Variants in PCDH15 observed in about 807,000 individuals in gnomAD.
The protein encoded by PCDH15 is protocadherin-15.
In PCDH15, 129 loss-of-function variants were observed where a neutral mutation model predicts 178.5. The observed-to-expected ratio is 0.72, with a 90% CI of 0.63 to 0.84. The LOEUF is 0.84. PCDH15 is among the 40% of genes least tolerant of loss of function. PCDH15 has a pLI of 0.00. For missense variants in PCDH15, 2,230 were observed against 2,099.9 expected, an observed-to-expected ratio of 1.06 and a Z score of -1.21; for synonymous variants, 800 against 732.0, an observed-to-expected ratio of 1.09 and a Z score of -1.50.
chr10:54,454,697 G>T (rs976012241), intron 3 of PCDH15, among the ~76,000 whole-genome samples: 2 of 152,038 alleles, frequency 1.3e-5, no homozygotes, highest in African/African-American at 4.8e-5. Context: ...TTTCTAAAAA[G>T]AAACCCAGAC....
intron 1 of PCDH15, among the ~76,000 whole-genome samples, chr10:55,184,032 T>C (rs1460005351): frequency 6.6e-6 from 1 of 152,000 alleles, no homozygotes; most frequent in African/African-American, 2.4e-5. Flanking sequence ...TTTCTGATGC[T>C]TTCCAGGAGC....
intron 3 of PCDH15, among the ~76,000 whole-genome samples, chr10:54,441,626 AAGTT>A (rs2075794863): frequency 6.6e-6 from 1 of 151,922 alleles, no homozygotes; most frequent in South Asian, 2.1e-4. Flanking sequence ...GAGATAAACT[AAGTT>A]AGAAGGATTG....
intron 2 of PCDH15, among the ~76,000 whole-genome samples, chr10:54,535,486 G>A (rs573470119): frequency 2.0e-5 from 3 of 151,936 alleles, no homozygotes; most frequent in South Asian, 2.1e-4. Flanking sequence ...CGAGACAGGC[G>A]GATCACAAGG....
chr10:53,887,820 C>A (rs1315290118), intron 26 of PCDH15, among the ~76,000 whole-genome samples: 1 of 152,068 alleles, frequency 6.6e-6, no homozygotes, highest in East Asian at 1.9e-4. Flanking sequence ...ACCCGGGAGG[C>A]GTAGCTTGCA....
At chr10:54,079,281 C>T (rs775568617) in intron 17 of PCDH15, 50 bp downstream of exon 17, 1 of 1,482,384 alleles carries the variant, frequency 6.7e-7, no homozygotes. Flanking sequence ...AAGACTCTCT[C>T]AGTTGCCTTA....
At chr10:55,306,543 G>C (rs1342701587) in intron 1 of PCDH15, among the ~76,000 whole-genome samples, 1 of 152,134 alleles carries the variant, frequency 6.6e-6, no homozygotes, top group Non-Finnish European at 1.5e-5. Flanking sequence ...TGATAATAGA[G>C]CATTCTCAGG....
chr10:54,094,417 G>A (rs2094660314), intron 15 of PCDH15, among the ~76,000 whole-genome samples: 1 of 152,148 alleles, frequency 6.6e-6, no homozygotes, highest in Non-Finnish European at 1.5e-5. Flanking sequence ...TACTGAAAAT[G>A]TGAAATTTTG....
rs139668044 is a variant in PCDH15 at position 55,309,737 on chromosome 10, T to C, written c.-156+9862A>G. Among the ~76,000 whole-genome samples, 773 of 152,292 alleles carry C rather than the reference T, an allele frequency of 5.1e-3. 11 individuals carry two copies. Among genetic ancestry groups the C allele is most frequent in the African/African-American group, 0.017 (719 of 41,554 alleles). On this transcript the variant is annotated intron_variant, in intron 1 of 5. Coordinates refer to the PCDH15 transcript ENST00000458638. ...ATTACTACATTTGTTTCCCAACAAA[T>C]TCTGTGTGCACCTTCATTATCTTAA...
chr10:54,794,029 T>A (rs992694671), intron 1 of PCDH15, among the ~76,000 whole-genome samples: 23 of 148,720 alleles, frequency 1.5e-4, no homozygotes, highest in Non-Finnish European at 2.1e-4. Flanking sequence ...CACAGCTATT[T>A]CTTTGATTAA....
intron 3 of PCDH15, among the ~76,000 whole-genome samples, chr10:54,467,034 T>C (rs2077564719): frequency 6.6e-6 from 1 of 151,994 alleles, no homozygotes; most frequent in Non-Finnish European, 1.5e-5. Context: ...AATTTATATA[T>C]CAAATCTAAG....
At chr10:54,829,589 G>A (rs922243292) in intron 3 of PCDH15, among the ~76,000 whole-genome samples, 5 of 151,956 alleles carry the variant, frequency 3.3e-5, no homozygotes, top group Non-Finnish European at 7.4e-5. Context: ...CAGAAATTTA[G>A]TGAGCCCAAA....
intron 2 of PCDH15, among the ~76,000 whole-genome samples, chr10:55,325,527 C>G (rs993061401): frequency 1.3e-5 from 2 of 152,138 alleles, no homozygotes; most frequent in Middle Eastern, 3.4e-3. Flanking sequence ...CGCAGAAGAT[C>G]AAAACTGGAC....
chr10:54,165,667 C>G (rs967008147), intron 13 of PCDH15, among the ~76,000 whole-genome samples: 5 of 152,178 alleles, frequency 3.3e-5, no homozygotes, highest in African/African-American at 1.2e-4. Context: ...TAATTTCCAT[C>G]TCATTAGCTT....
intron 2 of PCDH15, among the ~76,000 whole-genome samples, chr10:55,374,084 TATAATAATAATAATAATA>T (rs71461295): frequency 1.4e-5 from 2 of 143,962 alleles, no homozygotes; most frequent in African/African-American, 2.6e-5. Flanking sequence ...GAACTTAAAG[TATAATAATAATAATAATA>T]ATAATAATAA....
At chr10:54,291,856 G>A (rs2059433463) in intron 8 of PCDH15, among the ~76,000 whole-genome samples, 1 of 152,106 alleles carries the variant, frequency 6.6e-6, no homozygotes, top group Non-Finnish European at 1.5e-5. Context: ...AAAGGTCCAG[G>A]GCCAGACGGA....
At chr10:54,017,530 A>C (rs2092779789) in intron 20 of PCDH15, among the ~76,000 whole-genome samples, 1 of 152,158 alleles carries the variant, frequency 6.6e-6, no homozygotes, top group Admixed American at 6.6e-5. Flanking sequence ...AAACAAATTA[A>C]TTCAGGAGCA....
At position 55,359,720 on chromosome 10, in the gene PCDH15, GTATATATA is replaced by G. The variant is rs57949952; in HGVS notation, c.-155-193077_-155-193070del. Reference sequence around the variant, plus strand: ...GATGAACAAATAAAGAAAATGTGGTGTATATATATATATATATATATATATATACACAC... The same window carrying G: ...GATGAACAAATAAAGAAAATGTGGTGTATATATATATATATATATACACAC... On this transcript the variant is annotated intron_variant, in intron 2 of 5. Transcript: ENST00000613346. Among the ~76,000 whole-genome samples the G allele has an allele frequency of 1.9e-4, 21 of 112,922 alleles. 1 individual carries two copies. Among genetic ancestry groups the G allele is most frequent in the Middle Eastern group, 9.8e-3 (2 of 204 alleles). The allele number at this position is 112,922 out of a possible 152,430, so 74.1% of individuals were successfully genotyped here.
chr10:54,548,556 T>C (rs930515799), intron 2 of PCDH15, among the ~76,000 whole-genome samples: 103 of 147,044 alleles, frequency 7.0e-4, no homozygotes, highest in Admixed American at 1.9e-3. Flanking sequence ...ATATGTGCCT[T>C]ATATAAATTA....
intron 2 of PCDH15, among the ~76,000 whole-genome samples, chr10:55,377,851 T>C (rs1837436675): frequency 6.6e-6 from 1 of 152,096 alleles, no homozygotes; most frequent in Non-Finnish European, 1.5e-5. Context: ...ATGTGGCACA[T>C]ATAAATCATG....
Sources: gnomAD v4.1 joint callset for allele counts (sites outside exome capture counted in the v4.1 genomes callset) on GRCh38, gnomAD v4.1.1 for gene constraint, MANE v1.5 for transcripts, NCBI Gene and HGNC (gene_info 2026-07-23, HGNC 2026-07-21) for gene names.